Variants in CRTC1 observed in about 807,000 individuals in gnomAD.
CRTC1 encodes the protein CREB regulated transcription coactivator 1.
A neutral mutation model predicts 66.1 loss-of-function variants in CRTC1; 18 were observed. The observed-to-expected ratio is 0.27, with a 90% CI of 0.19 to 0.40. The LOEUF (loss-of-function observed/expected upper bound fraction) is 0.40. Ranked by LOEUF, CRTC1 falls within the 10% of genes least tolerant of loss-of-function variation. The probability of loss-of-function intolerance (pLI) is 1.00; values close to 1 mark genes in which losing one functional copy is unlikely to be tolerated. For synonymous variants in CRTC1, 416 were observed against 398.8 expected (o/e 1.04, Z -0.51); for missense variants, 669 against 887.9 (o/e 0.75, Z 3.13).
chr19:18,694,610 T>C (rs186387508), intron 1 of CRTC1, among the ~76,000 whole-genome samples: 1 of 152,062 alleles, frequency 6.6e-6, no homozygotes, highest in Admixed American at 6.6e-5. Context: ...TTTTTTTATT[T>C]TTTGTAGAGA....
Position 18,777,122 on chromosome 19 carries a change from G to T in CRTC1, c.1694-49G>T. On this transcript the variant is annotated intron_variant, in intron 13 of 13. Coordinates refer to ENST00000321949, the MANE Select transcript of CRTC1 (RefSeq NM_015321.3). The surrounding 1 kb of genome is among the most constrained non-coding windows in gnomAD (Gnocchi z 5.5). ...CCTGGTCCGACACATGGATGCGAGC[G>T]ATGGAGCCAGGGCTAAGCAGTGCCT... 1 of 1,063,040 alleles carries T rather than the reference G, an allele frequency of 9.4e-7. No homozygotes were observed. The allele number at this position is 1,063,040 out of a possible 1,614,324, so 65.9% of individuals were successfully genotyped here.
intron 1 of CRTC1, among the ~76,000 whole-genome samples, chr19:18,688,885 A>G (rs746110730): frequency 2.0e-5 from 3 of 152,076 alleles, no homozygotes; most frequent in Non-Finnish European, 4.4e-5. Context: ...GTCCCCATCA[A>G]CAGTTACTTC....
At chr19:18,689,288 A>G (rs1220095817) in intron 1 of CRTC1, among the ~76,000 whole-genome samples, 2 of 151,612 alleles carry the variant, frequency 1.3e-5, no homozygotes, top group South Asian at 2.1e-4. Flanking sequence ...CCTGTTCTGG[A>G]CATTTCATAT....
chr19:18,701,038 GCACAGACC>G (rs1156886764), intron 1 of CRTC1, among the ~76,000 whole-genome samples: 1 of 152,250 alleles, frequency 6.6e-6, no homozygotes, highest in Admixed American at 6.5e-5. Context: ...CAGAATAAAT[GCACAGACC>G]CTGGGGATGA....
intron 1 of CRTC1, among the ~76,000 whole-genome samples, chr19:18,694,952 C>T (rs1477064736): frequency 6.6e-6 from 1 of 151,620 alleles, no homozygotes; most frequent in African/African-American, 2.4e-5. Flanking sequence ...CTCACTGCAA[C>T]CTCTGCCTCC....
chr19:18,767,306 T>G (rs1425061316), intron 9 of CRTC1, among the ~76,000 whole-genome samples: 1 of 152,082 alleles, frequency 6.6e-6, no homozygotes, highest in African/African-American at 2.4e-5. Context: ...TTCAAGCGAT[T>G]TTCGTGCTAG....
In CRTC1 at chr19:18,746,797, C is replaced by T. The variant is rs140499513; in HGVS notation, c.382-256C>T. ...CCCCTCCCTTGGAAGGGGTGCAGCC[C>T]GCACGTGTGCTCACGGAGCAGAGTG... On this transcript the variant is annotated intron_variant, in intron 3 of 13. Transcript: ENST00000321949. Among the ~76,000 whole-genome samples the T allele has an allele frequency of 1.8e-3, 276 of 152,312 alleles. 3 individuals carry two copies. The highest frequency in any genetic ancestry group is 6.1e-3 in the African/African-American group (253 of 41,568).
At chr19:18,688,466 G>GC (rs34413040) in intron 1 of CRTC1, among the ~76,000 whole-genome samples, 13,724 of 151,532 alleles carry the variant, frequency 0.091, 739 homozygotes, top group Middle Eastern at 0.17. Flanking sequence ...TTGAGGAGGA[G>GC]CCCCCCCTGT....
chr19:18,745,737 T>A (rs2054218757), intron 2 of CRTC1, 86 bp from the exon 3 acceptor site: 3 of 1,568,014 alleles, frequency 1.9e-6, no homozygotes, highest in Non-Finnish European at 1.7e-6. Flanking sequence ...GGCCCTGCGA[T>A]CAGACTCTGG....
chr19:18,691,885 T>C (rs2052849001), intron 1 of CRTC1, among the ~76,000 whole-genome samples: 1 of 152,062 alleles, frequency 6.6e-6, no homozygotes, highest in Non-Finnish European at 1.5e-5. Flanking sequence ...GGGTAATTTT[T>C]GTATTTTCAG....
At chr19:18,772,889 A>T (rs1250904281) in intron 11 of CRTC1, among the ~76,000 whole-genome samples, 1 of 152,014 alleles carries the variant, frequency 6.6e-6, no homozygotes, top group East Asian at 1.9e-4. Flanking sequence ...GGGCTGGAGA[A>T]GCGGCAGGTG....
chr19:18,745,742 C>T lies in CRTC1; in HGVS notation c.244-81C>T. On this transcript the variant is annotated intron_variant, in intron 2 of 13. Coordinates refer to ENST00000321949, the MANE Select transcript of CRTC1 (RefSeq NM_015321.3). ...CAGAGTGGGGGGCCCTGCGATCAGA[C>T]TCTGGGGCCAGCGCTGGGGCCACAG... 2.5e-6 allele frequency: 4 copies of T among 1,574,908 alleles called. No homozygotes were observed. The South Asian group carries it at 4.5e-5, about 18-fold the overall frequency.
chr19:18,740,037 G>C (rs1421448622), intron 1 of CRTC1, among the ~76,000 whole-genome samples: 1 of 152,162 alleles, frequency 6.6e-6, no homozygotes, highest in Non-Finnish European at 1.5e-5. Flanking sequence ...CGAATCTCTT[G>C]AGGTCAGGGG....
intron 12 of CRTC1, among the ~76,000 whole-genome samples, chr19:18,775,266 G>A (rs989888466): frequency 6.6e-6 from 1 of 152,252 alleles, no homozygotes; most frequent in Admixed American, 6.5e-5. Context: ...AGCAAACGCC[G>A]GGCCAGACAG....
rs954771770 is a variant in CRTC1 at position 18,767,142 on chromosome 19, C to CA, written c.1012-1336dup. Among the ~76,000 whole-genome samples, 142 of 151,902 alleles carry CA rather than the reference C, an allele frequency of 9.3e-4. 2 individuals are homozygous for CA. The highest frequency in any genetic ancestry group is 3.4e-3 in the Middle Eastern group (1 of 294). ...CCATTTTGTCTTTTTAAAAACAAAACAAAAAAACCCTAACAGAGAACTTTG... is the reference window on the plus strand; with the variant it reads ...CCATTTTGTCTTTTTAAAAACAAAACAAAAAAAACCCTAACAGAGAACTTTG... On this transcript the variant is annotated intron_variant, in intron 9 of 13. Transcript: ENST00000321949.
At chr19:18,730,350 G>A (rs1412482762) in intron 1 of CRTC1, among the ~76,000 whole-genome samples, 1 of 152,122 alleles carries the variant, frequency 6.6e-6, no homozygotes, top group Non-Finnish European at 1.5e-5. Flanking sequence ...GAGCCCCCCT[G>A]CTTCACACGC....
At chr19:18,735,190 A>G (rs2053971365) in intron 1 of CRTC1, among the ~76,000 whole-genome samples, 1 of 152,162 alleles carries the variant, frequency 6.6e-6, no homozygotes, top group Non-Finnish European at 1.5e-5. Context: ...GCAGCCTCCG[A>G]CATCACTTGG....
At chr19:18,699,806 T>C (rs978857733) in intron 1 of CRTC1, among the ~76,000 whole-genome samples, 2 of 152,096 alleles carry the variant, frequency 1.3e-5, no homozygotes, top group African/African-American at 4.8e-5. Flanking sequence ...AGGGCAGTGA[T>C]GTGGGATTTA....
intron 6 of CRTC1, among the ~76,000 whole-genome samples, chr19:18,757,847 TC>T (rs2054523566): frequency 2.7e-5 from 4 of 150,848 alleles, no homozygotes; most frequent in Admixed American, 2.6e-4. Flanking sequence ...AAACCCCGTC[TC>T]TACTAAAAAT....
Sources: gnomAD v4.1 joint callset for allele counts (sites outside exome capture counted in the v4.1 genomes callset) on GRCh38, gnomAD v4.1.1 for gene constraint, Gnocchi (gnomAD v3.1) non-coding constraint, MANE v1.5 for transcripts, NCBI Gene and HGNC (gene_info 2026-07-23, HGNC 2026-07-21) for gene names.